LRRTM3: variants seen among roughly 807,000 people sequenced by gnomAD.
LRRTM3 encodes leucine rich repeat transmembrane neuronal 3.
A neutral mutation model predicts 44.7 loss-of-function variants in LRRTM3; 24 were observed. That is an observed-to-expected ratio of 0.54 (90% CI 0.39 to 0.76). The LOEUF is 0.76. LRRTM3 is among the 30% of genes least tolerant of loss of function. LRRTM3 has a pLI of 0.00. For synonymous variants in LRRTM3, 277 were observed against 278.7 expected (o/e 0.99, Z 0.06); for missense variants, 587 against 702.2 (o/e 0.84, Z 1.85).
At chr10:66,930,706 A>T (rs1847330286) in intron 2 of LRRTM3, among the ~76,000 whole-genome samples, 1 of 152,198 alleles carries the variant, frequency 6.6e-6, no homozygotes, top group Non-Finnish European at 1.5e-5. Flanking sequence ...CCTAAAATTC[A>T]AAGCTACTTG....
intron 2 of LRRTM3, among the ~76,000 whole-genome samples, chr10:67,062,771 T>A (rs1203527685): frequency 6.6e-6 from 1 of 152,164 alleles, no homozygotes; most frequent in African/African-American, 2.4e-5. Flanking sequence ...ATTCTGCTAA[T>A]GAGGTACACT....
chr10:66,951,624 T>C (rs925337553), intron 2 of LRRTM3, among the ~76,000 whole-genome samples: 1 of 150,830 alleles, frequency 6.6e-6, no homozygotes, highest in Non-Finnish European at 1.5e-5. Flanking sequence ...TCTTTCTTGC[T>C]CCTGAATCCA....
intron 2 of LRRTM3, among the ~76,000 whole-genome samples, chr10:66,957,399 T>C (rs1367657272): frequency 3.4e-5 from 2 of 58,410 alleles, no homozygotes; most frequent in Non-Finnish European, 6.6e-5. Flanking sequence ...TATACATATA[T>C]ATATATATAT....
chr10:66,956,398 A>T (rs994486379), intron 2 of LRRTM3, among the ~76,000 whole-genome samples: 4 of 152,020 alleles, frequency 2.6e-5, no homozygotes, highest in African/African-American at 9.7e-5. Flanking sequence ...TATCTTGTTA[A>T]TGTATTGACC....
intron 2 of LRRTM3, among the ~76,000 whole-genome samples, chr10:66,978,067 T>TAC (rs3056586): frequency 1.8e-5 from 2 of 114,012 alleles, no homozygotes; most frequent in African/African-American, 5.7e-5. Context: ...TATATATATA[T>TAC]ACACACACAC....
intron 2 of LRRTM3, among the ~76,000 whole-genome samples, chr10:66,937,316 C>T (rs1847761473): frequency 6.6e-6 from 1 of 152,082 alleles, no homozygotes; most frequent in Admixed American, 6.6e-5. Flanking sequence ...AAAGAATCAG[C>T]ATTTGTTAAA....
chr10:67,042,839 A>G (rs1221496573), intron 2 of LRRTM3, among the ~76,000 whole-genome samples: 1 of 152,176 alleles, frequency 6.6e-6, no homozygotes, highest in Non-Finnish European at 1.5e-5. Context: ...TTTAGTTCCA[A>G]TGGAAATGTG....
intron 2 of LRRTM3, among the ~76,000 whole-genome samples, chr10:66,978,540 A>ATAAAAT (rs1362837260): frequency 1.6e-4 from 13 of 82,898 alleles, no homozygotes; most frequent in South Asian, 4.8e-4. Flanking sequence ...AAAAAAAAAA[A>ATAAAAT]AAAAAAAAAA....
At chr10:66,978,552 A>AAAAAATATATATATATATAT in intron 2 of LRRTM3, among the ~76,000 whole-genome samples, 10 of 37,876 alleles carry the variant, frequency 2.6e-4, no homozygotes, top group South Asian at 2.3e-3. Flanking sequence ...AAAAAAAAAA[A>AAAAAATATATATATATATAT]ATATATATAT....
chr10:66,980,354 C>T (rs1172622654), intron 2 of LRRTM3, among the ~76,000 whole-genome samples: 1 of 152,158 alleles, frequency 6.6e-6, no homozygotes, highest in African/African-American at 2.4e-5. Context: ...TTACTGTCTG[C>T]TTGCTCTGTT....
chr10:67,048,296 G>A lies in LRRTM3; in HGVS notation c.1537-49291G>A, dbSNP rs532558763. On this transcript the variant is annotated intron_variant, in intron 2 of 2. Coordinates refer to ENST00000361320, the MANE Select transcript of LRRTM3 (RefSeq NM_178011.5). ...AGCATATCAAGGAATATTGTTAAAC[G>A]TATTTAAAAGCCAGTCTGTGATTTT... 4.6e-5 allele frequency among the ~76,000 whole-genome samples: 7 copies of A among 152,052 alleles called. No individual in the cohort carries two copies. The South Asian group carries it at 8.3e-4, about 18-fold the overall frequency.
chr10:66,959,653 C>T (rs2132764917), intron 2 of LRRTM3, among the ~76,000 whole-genome samples: 1 of 152,268 alleles, frequency 6.6e-6, no homozygotes, highest in South Asian at 2.1e-4. Flanking sequence ...TTATTTGTGC[C>T]AATGCCCCCA....
chr10:67,034,617 C>A (rs1459394162), intron 2 of LRRTM3, among the ~76,000 whole-genome samples: 1 of 152,160 alleles, frequency 6.6e-6, no homozygotes. Context: ...TAATAACCTA[C>A]AAATAAATTA....
chr10:67,044,441 G>T (rs182987624), intron 2 of LRRTM3, among the ~76,000 whole-genome samples: 2 of 151,906 alleles, frequency 1.3e-5, no homozygotes, highest in African/African-American at 4.9e-5. Context: ...TTAAGAAGAG[G>T]ACAAAGGGAG....
chr10:67,005,204 T>A (rs973746278), intron 2 of LRRTM3, among the ~76,000 whole-genome samples: 11 of 152,180 alleles, frequency 7.2e-5, no homozygotes, highest in African/African-American at 2.7e-4. Context: ...GAAAATGATT[T>A]CCAAAGCCAG....
intron 2 of LRRTM3, among the ~76,000 whole-genome samples, chr10:66,997,038 G>C (rs553979496): frequency 8.5e-5 from 13 of 152,148 alleles, no homozygotes; most frequent in Non-Finnish European, 1.9e-4. Context: ...TTATAGATCT[G>C]TTTATATTAA....
At chr10:67,078,693 T>A (rs547755360) in intron 2 of LRRTM3, among the ~76,000 whole-genome samples, 1 of 152,132 alleles carries the variant, frequency 6.6e-6, no homozygotes, top group East Asian at 1.9e-4. Flanking sequence ...ATTCTTTGTA[T>A]TTTTAGTAGA....
In LRRTM3 at chr10:67,099,553, G is replaced by A. The variant is rs1188823974; in HGVS notation, c.*1757G>A. 1 of 152,120 alleles carries A rather than the reference G, an allele frequency of 6.6e-6. No homozygotes were observed. Among genetic ancestry groups the A allele is most frequent in the Non-Finnish European group, 1.5e-5 (1 of 67,790 alleles). The allele number at this position is 152,120 out of a possible 1,614,324, so 9.4% of individuals were successfully genotyped here. Reference sequence around the variant, plus strand: ...ATAAAATCTAGTTTTATGCAGGTTTGTCACAGCAAATGTAAAAGCGGATTC... The same window carrying A: ...ATAAAATCTAGTTTTATGCAGGTTTATCACAGCAAATGTAAAAGCGGATTC... On this transcript the variant is annotated 3_prime_UTR_variant, in exon 3 of 3. Transcript: ENST00000361320.
chr10:67,030,940 G>A (rs889958538), intron 2 of LRRTM3, among the ~76,000 whole-genome samples: 7 of 152,142 alleles, frequency 4.6e-5, no homozygotes, highest in Non-Finnish European at 7.3e-5. Context: ...AGAGGTGGAG[G>A]TTGCAGTGAG....
Sources: gnomAD v4.1 joint callset for allele counts (sites outside exome capture counted in the v4.1 genomes callset) on GRCh38, gnomAD v4.1.1 for gene constraint, MANE v1.5 for transcripts, NCBI Gene and HGNC (gene_info 2026-07-23, HGNC 2026-07-21) for gene names.